Variants in IQCM observed in about 807,000 individuals in gnomAD.
The protein encoded by IQCM is IQ motif containing M, also known as IQ domain-containing protein M.
In IQCM, 45 loss-of-function variants were observed where a neutral mutation model predicts 57.6. That is an observed-to-expected ratio of 0.78 (90% CI 0.62 to 1.00). IQCM has a LOEUF of 1.00. IQCM is among the 50% of genes least tolerant of loss of function. IQCM has a pLI of 0.00. For missense variants in IQCM, 468 were observed against 511.6 expected (o/e 0.91, Z 0.82); for synonymous variants, 148 against 158.9 (o/e 0.93, Z 0.51).
intron 5 of IQCM, among the ~76,000 whole-genome samples, chr4:149,716,794 C>T (rs1289753044): frequency 6.6e-6 from 1 of 152,218 alleles, no homozygotes; most frequent in African/African-American, 2.4e-5. Context: ...GAGTCATCTT[C>T]CTCTCACATC....
chr4:149,435,670 C>T (rs957952954), intron 12 of IQCM, among the ~76,000 whole-genome samples: 15 of 151,588 alleles, frequency 9.9e-5, no homozygotes, highest in African/African-American at 3.6e-4. Flanking sequence ...CTTCATGCTG[C>T]TATTGGCCCT....
chr4:149,449,232 A>T (rs1261330463), intron 12 of IQCM, among the ~76,000 whole-genome samples: 3 of 143,940 alleles, frequency 2.1e-5, no homozygotes, highest in Non-Finnish European at 4.6e-5. Flanking sequence ...TATCAAAACA[A>T]ACAAACAAAC....
At chr4:149,663,265 C>A (rs1015767696) in intron 7 of IQCM, among the ~76,000 whole-genome samples, 2 of 150,754 alleles carry the variant, frequency 1.3e-5, no homozygotes, top group African/African-American at 4.8e-5. Context: ...CTAATGGTAT[C>A]TGTTGCTTTT....
intron 12 of IQCM, among the ~76,000 whole-genome samples, chr4:149,530,812 C>A (rs1027816622): frequency 2.5e-5 from 3 of 120,364 alleles, no homozygotes; most frequent in African/African-American, 9.0e-5. Context: ...CACCCCCCCC[C>A]CACATACACA....
At chr4:149,603,242 G>A (rs919880972) in intron 8 of IQCM, among the ~76,000 whole-genome samples, 4 of 152,016 alleles carry the variant, frequency 2.6e-5, no homozygotes, top group African/African-American at 9.7e-5. Flanking sequence ...CAAAATATAA[G>A]TATTGAAAGC....
In IQCM at chr4:149,556,991, T is replaced by C. The variant is rs1749650180; in HGVS notation, c.949-3704A>G. ...CAGTACAGAAACTGTTAAATAAACA[T>C]TCTTGGTCAACTTTATCATTAAATA... is the stretch of plus-strand genomic sequence containing the variant. On this transcript the variant is annotated intron_variant, in intron 10 of 13. Transcript: ENST00000636793. Among the ~76,000 whole-genome samples, 6 of 152,312 alleles carry C rather than the reference T, an allele frequency of 3.9e-5. No individual in the cohort carries two copies. The South Asian group carries it at 1.2e-3, about 32-fold the overall frequency.
At chr4:149,437,882 T>C (rs1252918805) in intron 12 of IQCM, among the ~76,000 whole-genome samples, 1 of 152,086 alleles carries the variant, frequency 6.6e-6, no homozygotes, top group Non-Finnish European at 1.5e-5. Flanking sequence ...ATAATTTACA[T>C]TGAACCCTGG....
intron 12 of IQCM, among the ~76,000 whole-genome samples, chr4:149,454,525 TATCTTAGTG>T (rs1434365858): frequency 6.6e-6 from 1 of 151,898 alleles, no homozygotes; most frequent in Non-Finnish European, 1.5e-5. Context: ...CTATGCTTAT[TATCTTAGTG>T]ATGAAATAGT....
chr4:149,714,224 C>T (rs1764802724), intron 5 of IQCM, among the ~76,000 whole-genome samples: 1 of 152,148 alleles, frequency 6.6e-6, no homozygotes, highest in Admixed American at 6.6e-5. Flanking sequence ...GTATCCTGCA[C>T]ATCTCAGTCT....
At chr4:149,481,643 T>C (rs1185999112) in intron 12 of IQCM, among the ~76,000 whole-genome samples, 1 of 150,994 alleles carries the variant, frequency 6.6e-6, no homozygotes, top group Non-Finnish European at 1.5e-5. Context: ...CATGTTCTTT[T>C]GGTTACCATA....
chr4:149,576,343 C>G (rs1204679733), intron 9 of IQCM, among the ~76,000 whole-genome samples: 2 of 151,798 alleles, frequency 1.3e-5, no homozygotes, highest in Non-Finnish European at 2.9e-5. Context: ...CTATTGTGCC[C>G]TTCCTTGTAT....
intron 3 of IQCM, among the ~76,000 whole-genome samples, chr4:149,739,511 A>G (rs1178046326): frequency 6.6e-6 from 1 of 151,802 alleles, no homozygotes; most frequent in Admixed American, 6.6e-5. Context: ...TCAGAATCAC[A>G]AAGATAACTT....
At chr4:149,725,015 C>A (rs1765769265) in intron 5 of IQCM, among the ~76,000 whole-genome samples, 1 of 151,910 alleles carries the variant, frequency 6.6e-6, no homozygotes, top group African/African-American at 2.4e-5. Context: ...TATCTATACA[C>A]AGAAAGAGAA....
intron 2 of IQCM, among the ~76,000 whole-genome samples, chr4:149,812,522 A>G (rs1184920478): frequency 6.6e-6 from 1 of 151,232 alleles, no homozygotes; most frequent in African/African-American, 2.4e-5. Flanking sequence ...ACACACACAC[A>G]CACACACTAT....
At chr4:149,751,690 T>G (rs1427276044) in intron 2 of IQCM, among the ~76,000 whole-genome samples, 1 of 152,240 alleles carries the variant, frequency 6.6e-6, no homozygotes, top group African/African-American at 2.4e-5. Context: ...ACTCAGTAAG[T>G]ACTCATTTCC....
At chr4:149,639,423 C>CT (rs1452113307) in intron 7 of IQCM, among the ~76,000 whole-genome samples, 1 of 130,184 alleles carries the variant, frequency 7.7e-6, no homozygotes, top group Non-Finnish European at 1.6e-5. Context: ...GAGATCCTGT[C>CT]TTAAAAAAAA....
chr4:149,708,392 T>C (rs1354856742), intron 5 of IQCM, among the ~76,000 whole-genome samples: 6 of 151,864 alleles, frequency 4.0e-5, no homozygotes, highest in Admixed American at 1.3e-4. Context: ...AAGATTTAAG[T>C]GCCACCTCTA....
At chr4:149,354,713 C>T (rs1246754155) in intron 13 of IQCM, among the ~76,000 whole-genome samples, 1 of 151,938 alleles carries the variant, frequency 6.6e-6, no homozygotes, top group Non-Finnish European at 1.5e-5. Flanking sequence ...TGAGTGAATC[C>T]AGGTTTGGTA....
intron 8 of IQCM, among the ~76,000 whole-genome samples, chr4:149,605,936 G>T (rs1754738202): frequency 6.6e-6 from 1 of 152,112 alleles, no homozygotes; most frequent in Admixed American, 6.6e-5. Context: ...AAAATTCCTT[G>T]AAACCCCTGA....
Sources: allele counts gnomAD v4.1 joint callset (sites outside exome capture counted in the v4.1 genomes callset), GRCh38; gene constraint gnomAD v4.1.1; transcripts MANE v1.5; gene names NCBI Gene and HGNC (gene_info 2026-07-23, HGNC 2026-07-21).